Variants in CDK6 observed in about 807,000 individuals in gnomAD.
The protein encoded by CDK6 is cyclin-dependent kinase 6.
CDK6 carries 6 observed loss-of-function variants against 37.1 expected under a neutral mutation model. The observed-to-expected ratio is 0.16, with a 90% CI of 0.09 to 0.32. The LOEUF is 0.32. CDK6 is among the 10% of genes least tolerant of loss of function. CDK6 has a pLI of 1.00. For missense variants in CDK6, 224 were observed against 418.9 expected (o/e 0.53, Z 4.06); for synonymous variants, 160 against 161.3 (o/e 0.99, Z 0.06).
intron 2 of CDK6, among the ~76,000 whole-genome samples, chr7:92,817,397 T>TA (rs1426086637): frequency 6.6e-6 from 1 of 151,796 alleles, no homozygotes; most frequent in South Asian, 2.1e-4. Context: ...ACAGAGTTTT[T>TA]AAAAAAATAA....
chr7:92,780,111 T>C (rs1010145212), intron 2 of CDK6, among the ~76,000 whole-genome samples: 1 of 152,192 alleles, frequency 6.6e-6, no homozygotes, highest in African/African-American at 2.4e-5. Flanking sequence ...TAGCTGGGAC[T>C]ACAGGCATGC....
At chr7:92,663,315 C>T (rs1001595790) in intron 5 of CDK6, among the ~76,000 whole-genome samples, 13 of 151,984 alleles carry the variant, frequency 8.6e-5, no homozygotes, top group Non-Finnish European at 1.5e-4. Context: ...CAAGAGATGC[C>T]GCCACAGGGA....
rs1376899142 is a variant in CDK6 at position 92,833,323 on chromosome 7, T to TGCCGCCTGGAC, written c.-11_-1dup. ...GCGCGGCACAGGCCGTCCTTCTCCATGCCGCCTGGACGCCGCCCGCCGCGG... is the reference window on the plus strand; with the variant it reads ...GCGCGGCACAGGCCGTCCTTCTCCATGCCGCCTGGACGCCGCCTGGACGCCGCCCGCCGCGG... On this transcript the variant is annotated 5_prime_UTR_variant, in exon 2 of 8. Transcript: ENST00000424848. The surrounding 1 kb of genome is among the most constrained non-coding windows in gnomAD (Gnocchi z 6.1). The TGCCGCCTGGAC allele has an allele frequency of 1.3e-6, 2 of 1,577,258 alleles. No homozygotes were observed. The highest frequency in any genetic ancestry group is 1.4e-5 in the African/African-American group (1 of 73,430).
intron 3 of CDK6, among the ~76,000 whole-genome samples, chr7:92,766,110 G>A (rs1489111407): frequency 1.3e-5 from 2 of 152,260 alleles, no homozygotes; most frequent in South Asian, 2.1e-4. Flanking sequence ...TACAGGTCAT[G>A]AGAAACCACT....
At chr7:92,756,214 G>A (rs1328376221) in intron 3 of CDK6, among the ~76,000 whole-genome samples, 1 of 151,576 alleles carries the variant, frequency 6.6e-6, no homozygotes, top group Admixed American at 6.6e-5. Context: ...ATGATCTTGT[G>A]TACAACTCAA....
intron 2 of CDK6, among the ~76,000 whole-genome samples, chr7:92,810,111 T>C (rs1800836091): frequency 6.6e-6 from 1 of 152,164 alleles, no homozygotes; most frequent in Admixed American, 6.5e-5. Flanking sequence ...TGAAAATAGA[T>C]TGTTTGAAAA....
chr7:92,826,613 T>C (rs1801320767), intron 2 of CDK6, among the ~76,000 whole-genome samples: 1 of 152,078 alleles, frequency 6.6e-6, no homozygotes, highest in African/African-American at 2.4e-5. Flanking sequence ...AGGAAGAACA[T>C]GAGAATATCC....
chr7:92,655,012 T>C (rs1412592617), intron 5 of CDK6, among the ~76,000 whole-genome samples: 1 of 148,130 alleles, frequency 6.8e-6, no homozygotes, highest in Non-Finnish European at 1.5e-5. Context: ...CTGGATCATT[T>C]TTTTTTTTTT....
At chr7:92,811,318 C>T (rs1052645485) in intron 2 of CDK6, among the ~76,000 whole-genome samples, 3 of 152,080 alleles carry the variant, frequency 2.0e-5, no homozygotes, top group Admixed American at 2.0e-4. Flanking sequence ...CCCAATGTAG[C>T]AGGGTACTTT....
At chr7:92,817,153 G>C (rs1801050850) in intron 2 of CDK6, among the ~76,000 whole-genome samples, 1 of 151,814 alleles carries the variant, frequency 6.6e-6, no homozygotes, top group South Asian at 2.1e-4. Flanking sequence ...AAATCTTTCA[G>C]AAAATAGAAG....
chr7:92,753,606 C>T (rs901736617), intron 3 of CDK6, among the ~76,000 whole-genome samples: 3 of 152,086 alleles, frequency 2.0e-5, no homozygotes, highest in East Asian at 1.9e-4. Context: ...GATTCTCCTG[C>T]CTCAGCCTCC....
At chr7:92,725,902 G>T in intron 3 of CDK6, 109 bp from the exon 4 acceptor site, 1 of 930,148 alleles carries the variant, frequency 1.1e-6, no homozygotes, top group Non-Finnish European at 1.6e-6. Flanking sequence ...GCATGCGGCA[G>T]GCATTTGACA....
intron 2 of CDK6, among the ~76,000 whole-genome samples, chr7:92,821,293 C>T (rs1482869039): frequency 2.6e-5 from 4 of 152,180 alleles, no homozygotes; most frequent in Non-Finnish European, 4.4e-5. Context: ...AAAGTGAAGA[C>T]GCCTAGAATA....
At chr7:92,676,627 A>G (rs1428170625) in intron 4 of CDK6, among the ~76,000 whole-genome samples, 1 of 152,162 alleles carries the variant, frequency 6.6e-6, no homozygotes, top group East Asian at 1.9e-4. Context: ...TCTTTGAAAT[A>G]CTTCAGAATC....
At chr7:92,700,085 A>T (rs1196857421) in intron 4 of CDK6, among the ~76,000 whole-genome samples, 1 of 152,112 alleles carries the variant, frequency 6.6e-6, no homozygotes, top group African/African-American at 2.4e-5. Flanking sequence ...AGGGGTATCT[A>T]GTGTTAGAGG....
At chr7:92,619,683 G>A (rs1795763360) in intron 6 of CDK6, among the ~76,000 whole-genome samples, 1 of 151,816 alleles carries the variant, frequency 6.6e-6, no homozygotes, top group Admixed American at 6.6e-5. Context: ...CTTCAGCTGG[G>A]AAGATAACCC....
chr7:92,646,602 T>G (rs1299108254), intron 5 of CDK6, among the ~76,000 whole-genome samples: 2 of 152,140 alleles, frequency 1.3e-5, no homozygotes, highest in South Asian at 4.2e-4. Flanking sequence ...TTCACCATGT[T>G]GGCCAGGCTG....
intron 3 of CDK6, among the ~76,000 whole-genome samples, chr7:92,773,529 G>A (rs1467397542): frequency 1.3e-5 from 2 of 152,192 alleles, no homozygotes; most frequent in Non-Finnish European, 1.5e-5. Flanking sequence ...AGCTTCAGGG[G>A]TGGAATAGAA....
At chr7:92,621,101 G>T (rs1265032807) in intron 6 of CDK6, among the ~76,000 whole-genome samples, 1 of 152,196 alleles carries the variant, frequency 6.6e-6, no homozygotes. Flanking sequence ...ATATTGGCAA[G>T]CCCAACAGGG....
Sources: allele counts gnomAD v4.1 joint callset (sites outside exome capture counted in the v4.1 genomes callset), GRCh38; gene constraint gnomAD v4.1.1; non-coding constraint Gnocchi (gnomAD v3.1); transcripts MANE v1.5; gene names NCBI Gene and HGNC (gene_info 2026-07-23, HGNC 2026-07-21).